The following ARHGAP23 variants were observed in gnomAD, a reference collection of about 807,000 sequenced individuals.
ARHGAP23 encodes the protein rho GTPase-activating protein 23.
A neutral mutation model predicts 136.3 loss-of-function variants in ARHGAP23; 34 were observed. That is an observed-to-expected ratio of 0.25 (90% CI 0.19 to 0.33). The LOEUF (loss-of-function observed/expected upper bound fraction) is 0.33, where lower values mean the gene tolerates loss of function less well. Ranked by LOEUF, ARHGAP23 falls within the 10% of genes least tolerant of loss-of-function variation. The probability of loss-of-function intolerance (pLI) is 1.00; values close to 1 mark genes in which losing one functional copy is unlikely to be tolerated. For missense variants in ARHGAP23, 1,808 were observed against 2,139.0 expected (o/e 0.85, Z 3.05); for synonymous variants, 832 against 920.5 (o/e 0.90, Z 1.74).
intron 1 of ARHGAP23, among the ~76,000 whole-genome samples, chr17:38,447,936 C>T (rs1386197223): frequency 6.6e-6 from 1 of 152,228 alleles, no homozygotes; most frequent in Non-Finnish European, 1.5e-5. Flanking sequence ...GAAAGAGGCT[C>T]CTCTTTAGTT....
At chr17:38,423,134 A>G (rs1403706533) in intron 1 of ARHGAP23, among the ~76,000 whole-genome samples, 1 of 151,996 alleles carries the variant, frequency 6.6e-6, no homozygotes, top group African/African-American at 2.4e-5. Flanking sequence ...TCCGTGGAAT[A>G]TGGGGACGGT....
intron 1 of ARHGAP23, among the ~76,000 whole-genome samples, chr17:38,441,139 C>T (rs2038911361): frequency 6.6e-6 from 1 of 152,226 alleles, no homozygotes; most frequent in African/African-American, 2.4e-5. Flanking sequence ...ATCCACCAAT[C>T]AGACCTGCCT....
intron 6 of ARHGAP23, among the ~76,000 whole-genome samples, chr17:38,463,959 A>G (rs2039521725): frequency 6.6e-6 from 1 of 152,018 alleles, no homozygotes; most frequent in Admixed American, 6.6e-5. Context: ...TCACCCTCAT[A>G]CAGCGAAGTG....
At chr17:38,460,273 C>T (rs1190075130) in intron 2 of ARHGAP23, among the ~76,000 whole-genome samples, 1 of 152,232 alleles carries the variant, frequency 6.6e-6, no homozygotes, top group Non-Finnish European at 1.5e-5. Flanking sequence ...CTCTCTCTCA[C>T]AGAAGAACTT....
chr17:38,465,743 G>A (rs913219032), intron 6 of ARHGAP23, among the ~76,000 whole-genome samples: 8 of 152,052 alleles, frequency 5.3e-5, no homozygotes, highest in Non-Finnish European at 1.2e-4. Flanking sequence ...CACACCCCTA[G>A]CCGGCTTTCT....
intron 6 of ARHGAP23, among the ~76,000 whole-genome samples, chr17:38,464,593 G>A (rs57262892): frequency 6.6e-6 from 1 of 152,218 alleles, no homozygotes; most frequent in Admixed American, 6.5e-5. Flanking sequence ...AGGAAGGAGG[G>A]GGGGATCTGA....
chr17:38,475,114 G>GTCTCCTCTA (rs2039862412), intron 11 of ARHGAP23, among the ~76,000 whole-genome samples: 1 of 152,224 alleles, frequency 6.6e-6, no homozygotes, highest in African/African-American at 2.4e-5. Context: ...GGACGTTAGA[G>GTCTCCTCTA]GAGAGTCTTC....
intron 23 of ARHGAP23, among the ~76,000 whole-genome samples, chr17:38,501,337 T>C (rs960396077): frequency 6.6e-6 from 1 of 152,168 alleles, no homozygotes; most frequent in African/African-American, 2.4e-5. Flanking sequence ...AGTCTTGCTC[T>C]GTCACCCAGG....
chr17:38,468,431 G>A (rs2039665505), intron 7 of ARHGAP23, among the ~76,000 whole-genome samples: 1 of 152,154 alleles, frequency 6.6e-6, no homozygotes, highest in Non-Finnish European at 1.5e-5. Context: ...TGTCCAAGAG[G>A]GAGCAGGATA....
chr17:38,431,365 G>T (rs553502230), intron 1 of ARHGAP23, among the ~76,000 whole-genome samples: 13 of 152,280 alleles, frequency 8.5e-5, no homozygotes, highest in Non-Finnish European at 1.6e-4. Flanking sequence ...TTGGCTGCAG[G>T]GGTTCAAAGG....
intron 22 of ARHGAP23, among the ~76,000 whole-genome samples, chr17:38,499,112 G>GC (rs2040463223): frequency 6.6e-6 from 1 of 152,278 alleles, no homozygotes; most frequent in East Asian, 1.9e-4. Flanking sequence ...AGCAGTCCAT[G>GC]CCCCTCCCAT....
chr17:38,498,719 G>A (rs1010699181), intron 22 of ARHGAP23, among the ~76,000 whole-genome samples: 2 of 152,192 alleles, frequency 1.3e-5, no homozygotes, highest in African/African-American at 2.4e-5. Flanking sequence ...CTGCGCAGCT[G>A]CCCCGCCCCG....
intron 1 of ARHGAP23, among the ~76,000 whole-genome samples, chr17:38,421,575 C>T (rs557061621): frequency 2.4e-4 from 37 of 152,332 alleles, no homozygotes; most frequent in Non-Finnish European, 4.7e-4. Context: ...GTGCGTGAGC[C>T]GCCGATGTGT....
chr17:38,437,807 G>A (rs932763399), intron 1 of ARHGAP23, among the ~76,000 whole-genome samples: 6 of 151,828 alleles, frequency 4.0e-5, no homozygotes, highest in East Asian at 1.9e-4. Flanking sequence ...GGGGGGGAGG[G>A]CAGATGTAAT....
intron 2 of ARHGAP23, 145 bp from the exon 3 acceptor site, chr17:38,460,760 C>T: frequency 6.7e-7 from 1 of 1,490,938 alleles, no homozygotes; most frequent in South Asian, 1.2e-5. Context: ...CCTCGGACAC[C>T]CCTCCCGCAC....
intron 17 of ARHGAP23, among the ~76,000 whole-genome samples, chr17:38,488,705 T>C (rs563007792): frequency 2.0e-5 from 3 of 152,134 alleles, no homozygotes; most frequent in Non-Finnish European, 4.4e-5. Flanking sequence ...CCCACCATCA[T>C]GCCCAGCTAA....
intron 18 of ARHGAP23, 141 bp from the exon 19 acceptor site, chr17:38,490,321 A>T: frequency 9.0e-7 from 1 of 1,112,932 alleles, no homozygotes; most frequent in Non-Finnish European, 1.3e-6. Flanking sequence ...TTCCCCGTCC[A>T]TACAAGAGAA....
At chr17:38,469,928 G>T in intron 10 of ARHGAP23, 24 bp downstream of exon 10, 2 of 1,551,272 alleles carry the variant, frequency 1.3e-6, no homozygotes, top group Non-Finnish European at 1.7e-6. Context: ...GTGTGTGTGC[G>T]TGCGCAGGAG....
chr17:38,426,572 A>AAAAAAAAAAAAAG (rs1567767218), upstream of ARHGAP23, among the ~76,000 whole-genome samples: 1 of 149,280 alleles, frequency 6.7e-6, no homozygotes, highest in African/African-American at 2.5e-5. Flanking sequence ...AAAAAAAAAA[A>AAAAAAAAAAAAAG]TCCAGGCAGT....
Sources: allele counts gnomAD v4.1 joint callset (sites outside exome capture counted in the v4.1 genomes callset), GRCh38; gene constraint gnomAD v4.1.1; transcripts MANE v1.5; gene names NCBI Gene and HGNC (gene_info 2026-07-23, HGNC 2026-07-21).